Variants in LAMA2 observed in about 807,000 individuals in gnomAD.
The protein encoded by LAMA2 is laminin subunit alpha 2.
Under a neutral mutation model 364.8 loss-of-function variants are expected in LAMA2, and 269 were observed. The observed-to-expected ratio is 0.74, with a 90% CI of 0.67 to 0.82. The LOEUF is 0.82. Among genes scored for constraint, LAMA2 ranks in the 40% least tolerant of loss-of-function variants. LAMA2 has a pLI of 0.00. For missense variants in LAMA2, 3,807 were observed against 3,873.2 expected, an observed-to-expected ratio of 0.98 and a Z score of 0.45; for synonymous variants, 1,379 against 1,370.6, an observed-to-expected ratio of 1.01 and a Z score of -0.14.
Position 129,454,303 on chromosome 6 carries a change from A to G in LAMA2, c.6707+15A>G. Reference sequence around the variant, plus strand: ...GTAGCATCAAGGTAACCAACTTAATAAAGATTAAGATAATTAAATGATAGA... The same window carrying G: ...GTAGCATCAAGGTAACCAACTTAATGAAGATTAAGATAATTAAATGATAGA... On this transcript the variant is annotated intron_variant, in intron 47 of 64. Transcript: ENST00000421865. 1.9e-6 allele frequency: 3 copies of G among 1,596,918 alleles called. No homozygotes were observed. The highest frequency in any genetic ancestry group is 2.6e-6 in the Non-Finnish European group (3 of 1,165,452).
intron 1 of LAMA2, among the ~76,000 whole-genome samples, chr6:128,988,881 C>A (rs1484358527): frequency 6.6e-6 from 1 of 152,052 alleles, no homozygotes; most frequent in East Asian, 1.9e-4. Context: ...TGAAATTATT[C>A]TTTCCTGGAA....
chr6:129,050,110 T>A, intron 2 of LAMA2, 22 bp downstream of exon 2: 2 of 1,613,194 alleles, frequency 1.2e-6, no homozygotes, highest in South Asian at 2.2e-5. Context: ...AGTGTGTAGG[T>A]GTGTGGCGCT....
At chr6:129,513,149 A>C (rs2114933813) in intron 63 of LAMA2, among the ~76,000 whole-genome samples, 1 of 152,298 alleles carries the variant, frequency 6.6e-6, no homozygotes, top group African/African-American at 2.4e-5. Context: ...TTAAATAGGA[A>C]TCGTACTTCA....
intron 3 of LAMA2, among the ~76,000 whole-genome samples, chr6:129,076,504 T>TA (rs1284332885): frequency 7.2e-4 from 4 of 5,566 alleles, no homozygotes; most frequent in South Asian, 0.012. Context: ...TATATAAATA[T>TA]ATATATATAA....
chr6:129,007,788 C>T (rs1383907238), intron 1 of LAMA2, among the ~76,000 whole-genome samples: 2 of 152,110 alleles, frequency 1.3e-5, no homozygotes, highest in African/African-American at 2.4e-5. Flanking sequence ...ATTGAGCATA[C>T]CTAAATTGCC....
At chr6:129,409,379 G>A (rs4406256) in intron 40 of LAMA2, among the ~76,000 whole-genome samples, 76,263 of 151,998 alleles carry the variant, frequency 0.5, 19,630 homozygotes, top group African/African-American at 0.62. Flanking sequence ...GGCCATGGGC[G>A]TTTGAGCCAC....
chr6:129,201,027 G>A (rs981385091), intron 12 of LAMA2, among the ~76,000 whole-genome samples: 1 of 152,072 alleles, frequency 6.6e-6, no homozygotes, highest in Non-Finnish European at 1.5e-5. Context: ...TTGAATAATA[G>A]TATCTAGATT....
chr6:128,965,048 G>A (rs1226489890), intron 1 of LAMA2, among the ~76,000 whole-genome samples: 1 of 151,964 alleles, frequency 6.6e-6, no homozygotes. Flanking sequence ...TTATATGAGA[G>A]GATTATAAAA....
chr6:129,366,431 T>C, intron 33 of LAMA2, 70 bp downstream of exon 33: 1 of 1,549,162 alleles, frequency 6.5e-7, no homozygotes, highest in Non-Finnish European at 8.9e-7. Context: ...GTATTGGCTG[T>C]AATTGGTAAA....
chr6:129,345,235 G>T (rs7766742), intron 30 of LAMA2, among the ~76,000 whole-genome samples: 54,632 of 151,894 alleles, frequency 0.36, 12,019 homozygotes, highest in Non-Finnish European at 0.49. Flanking sequence ...GTTGTTAGAG[G>T]TCAAAATTTT....
chr6:129,147,889 T>C (rs1778563019), intron 6 of LAMA2, among the ~76,000 whole-genome samples: 1 of 152,090 alleles, frequency 6.6e-6, no homozygotes, highest in Non-Finnish European at 1.5e-5. Context: ...CAGTGCTGCT[T>C]TCTGCCTGGT....
At chr6:129,504,203 T>C (rs1785876081) in intron 60 of LAMA2, among the ~76,000 whole-genome samples, 1 of 152,216 alleles carries the variant, frequency 6.6e-6, no homozygotes, top group Non-Finnish European at 1.5e-5. Flanking sequence ...AGAAAAGGAA[T>C]CTTCATTTTT....
intron 32 of LAMA2, among the ~76,000 whole-genome samples, chr6:129,364,900 G>A (rs780368125): frequency 1.2e-4 from 18 of 152,208 alleles, no homozygotes; most frequent in Admixed American, 2.0e-4. Context: ...GCTGGAGCAG[G>A]CATCTTCACA....
At chr6:129,230,110 C>A (rs920850294) in intron 12 of LAMA2, among the ~76,000 whole-genome samples, 1 of 151,864 alleles carries the variant, frequency 6.6e-6, no homozygotes, top group Admixed American at 6.6e-5. Context: ...AGGATTGGGC[C>A]CTATAGCACC....
Position 129,473,262 on chromosome 6 carries a change from C to A in LAMA2, c.7349C>A (p.Ala2450Glu). ...GATACTAATCAGGAGGAGAATATAG[C>A]AACTTCGTCTTCTGGAAACAACTTT... Reference protein sequence around the residue: ...DIDTNQEENIATSSSGNNFGL... With the variant: ...DIDTNQEENIETSSSGNNFGL... The change falls in exon 52 of 65, where the codon GCA (alanine) becomes GAA (glutamate). Residue 2450 changes from alanine (A) to glutamate (E), a missense_variant. Around this residue, in one of 3 missense-constraint regions of LAMA2, gnomAD observed 3,333 missense variants for 3,345.7 expected, o/e 1.00. Transcript: ENST00000421865. The A allele has an allele frequency of 6.2e-7, 1 of 1,607,496 alleles. No individual in the cohort carries two copies. The highest frequency in any genetic ancestry group is 1.1e-5 in the South Asian group (1 of 90,924).
At chr6:129,076,142 G>A (rs1773619487) in intron 3 of LAMA2, among the ~76,000 whole-genome samples, 1 of 151,836 alleles carries the variant, frequency 6.6e-6, no homozygotes, top group Admixed American at 6.6e-5. Context: ...TTGGATTTAT[G>A]AGTCTGGAGT....
At chr6:128,991,301 T>C (rs945361586) in intron 1 of LAMA2, among the ~76,000 whole-genome samples, 3 of 152,180 alleles carry the variant, frequency 2.0e-5, no homozygotes, top group Non-Finnish European at 4.4e-5. Context: ...GACACAGTCC[T>C]TTTTCCTTAT....
chr6:129,131,808 C>T (rs1405639679), intron 4 of LAMA2, among the ~76,000 whole-genome samples: 1 of 152,204 alleles, frequency 6.6e-6, no homozygotes, highest in Non-Finnish European at 1.5e-5. Flanking sequence ...CTCAATGAAA[C>T]ACTTTCTTAG....
chr6:129,019,066 C>T (rs1785253095), intron 1 of LAMA2, among the ~76,000 whole-genome samples: 1 of 152,034 alleles, frequency 6.6e-6, no homozygotes, highest in Non-Finnish European at 1.5e-5. Flanking sequence ...TCCCTATGCC[C>T]ACTGTACTGT....
Sources: allele counts gnomAD v4.1 joint callset (sites outside exome capture counted in the v4.1 genomes callset), GRCh38; gene constraint gnomAD v4.1.1; regional missense constraint gnomAD v4.1.1; transcripts MANE v1.5; gene names NCBI Gene and HGNC (gene_info 2026-07-23, HGNC 2026-07-21).